MSRA: variants seen among roughly 807,000 people sequenced by gnomAD.
MSRA encodes the protein mitochondrial peptide methionine sulfoxide reductase.
Under a neutral mutation model 31.3 loss-of-function variants are expected in MSRA, and 54 were observed. The observed-to-expected ratio is 1.73, with a 90% CI of 1.39 to 2.17. The LOEUF (loss-of-function observed/expected upper bound fraction) is 2.17, where lower values mean the gene tolerates loss of function less well. Ranked by LOEUF, MSRA falls within the 30% of genes most tolerant of loss-of-function variation. The pLI is 0.00. For synonymous variants in MSRA, 169 were observed against 116.5 expected, an observed-to-expected ratio of 1.45 and a Z score of -2.90; for missense variants, 507 against 300.9, an observed-to-expected ratio of 1.69 and a Z score of -5.07.
chr8:10,316,379 G>A (rs1056818114), intron 4 of MSRA, among the ~76,000 whole-genome samples: 1 of 152,198 alleles, frequency 6.6e-6, no homozygotes, highest in Non-Finnish European at 1.5e-5. Context: ...CTTTGAGGGA[G>A]TGTCAGTTTC....
intron 1 of MSRA, among the ~76,000 whole-genome samples, chr8:10,138,246 A>T (rs1802437344): frequency 6.6e-6 from 1 of 152,208 alleles, no homozygotes; most frequent in Non-Finnish European, 1.5e-5. Flanking sequence ...GAGGTAATTC[A>T]TTGGTGTCAG....
intron 3 of MSRA, among the ~76,000 whole-genome samples, chr8:10,288,654 A>C (rs576540450): frequency 6.6e-6 from 1 of 152,206 alleles, no homozygotes; most frequent in Non-Finnish European, 1.5e-5. Context: ...AGTTATAAAC[A>C]AATCTGAAGT....
At position 10,213,057 on chromosome 8, in the gene MSRA, G is replaced by C. The variant is rs911493795; in HGVS notation, c.211+5156G>C. The stretch of plus-strand genomic sequence containing the variant: ...TACAAACAATCCAATTATACTCTTA[G>C]TTATTTTTAAATATACAATTAAATT... On this transcript the variant is annotated intron_variant, in intron 2 of 5. Transcript: ENST00000317173. Among the ~76,000 whole-genome samples the C allele has an allele frequency of 3.3e-5, 5 of 152,044 alleles. No homozygotes were observed. In the East Asian group the frequency reaches 9.6e-4, roughly 29 times the overall value.
At position 10,138,619 on chromosome 8, in the gene MSRA, G is replaced by A. The variant is rs147474072; in HGVS notation, c.143-69214G>A. Among the ~76,000 whole-genome samples the A allele has an allele frequency of 5.2e-3, 787 of 152,228 alleles. 5 individuals are homozygous for A. The highest frequency in any genetic ancestry group is 0.014 in the Middle Eastern group (4 of 294). On this transcript the variant is annotated intron_variant, in intron 1 of 5. Transcript: ENST00000317173. ...AAGAATATTTCCTATTTTCCCATGGGACTAAATTAAGTTATTTGCATTTTG... is the reference window on the plus strand; with the variant it reads ...AAGAATATTTCCTATTTTCCCATGGAACTAAATTAAGTTATTTGCATTTTG...
intron 1 of MSRA, among the ~76,000 whole-genome samples, chr8:10,128,793 A>T (rs1471217726): frequency 6.6e-6 from 1 of 152,214 alleles, no homozygotes; most frequent in Non-Finnish European, 1.5e-5. Flanking sequence ...TCATGACCTC[A>T]TCTATTCATT....
chr8:10,325,499 G>A lies in MSRA; in HGVS notation c.543+5510G>A, dbSNP rs542451693. ...TACATATATTTGTTTAGCTGTAGAT[G>A]TGTATCTCTCTATGTCTTTATATAA... On this transcript the variant is annotated intron_variant, in intron 5 of 5. Coordinates refer to ENST00000317173, the MANE Select transcript of MSRA (RefSeq NM_012331.5). Among the ~76,000 whole-genome samples the A allele has an allele frequency of 4.6e-5, 7 of 152,170 alleles. No homozygotes were observed. In the South Asian group the frequency reaches 1.0e-3, roughly 23 times the overall value.
chr8:10,290,768 A>G (rs1217040306), intron 3 of MSRA, among the ~76,000 whole-genome samples: 1 of 152,204 alleles, frequency 6.6e-6, no homozygotes, highest in Admixed American at 6.5e-5. Context: ...TCAAGGAATC[A>G]TAGTTTCTCA....
intron 5 of MSRA, among the ~76,000 whole-genome samples, chr8:10,347,121 T>G (rs2129155192): frequency 6.6e-6 from 1 of 152,340 alleles, no homozygotes; most frequent in Admixed American, 6.5e-5. Context: ...CATTACTGGT[T>G]CGTTTTCCCT....
intron 5 of MSRA, among the ~76,000 whole-genome samples, chr8:10,344,107 AAGG>A (rs1255074212): frequency 6.6e-6 from 1 of 152,156 alleles, no homozygotes; most frequent in African/African-American, 2.4e-5. Flanking sequence ...CCCTCTTGCT[AAGG>A]AAGTTGCATG....
At chr8:10,108,691 T>A (rs1301389855) in intron 1 of MSRA, among the ~76,000 whole-genome samples, 1 of 152,188 alleles carries the variant, frequency 6.6e-6, no homozygotes, top group Non-Finnish European at 1.5e-5. Flanking sequence ...TTCTGTGCAG[T>A]CCTCACGAGG....
At chr8:10,365,777 G>T (rs1228260437) in intron 5 of MSRA, among the ~76,000 whole-genome samples, 2 of 152,226 alleles carry the variant, frequency 1.3e-5, no homozygotes, top group Admixed American at 1.3e-4. Flanking sequence ...GCCTCCTGGT[G>T]CTCAGGTGAG....
At chr8:10,074,642 A>T (rs904919366) in intron 1 of MSRA, among the ~76,000 whole-genome samples, 1 of 151,580 alleles carries the variant, frequency 6.6e-6, no homozygotes, top group African/African-American at 2.4e-5. Flanking sequence ...TTGATAATAC[A>T]CCCCTTCTTC....
rs188354415 is a variant in MSRA, at chr8:10,170,658, A to G, written c.143-37175A>G. Among the ~76,000 whole-genome samples, 90 of 152,364 alleles carry G rather than the reference A, an allele frequency of 5.9e-4. 1 individual carries two copies. Among genetic ancestry groups the G allele is most frequent in the African/African-American group, 1.7e-3 (72 of 41,586 alleles). ...AAGTCATCTAGAGATGATTTAAAGT[A>G]TATGGGAGGATGTGCATAGGTTACA... is the stretch of plus-strand genomic sequence containing the variant. On this transcript the variant is annotated intron_variant, in intron 1 of 5. Transcript: ENST00000317173.
intron 2 of MSRA, among the ~76,000 whole-genome samples, chr8:10,210,211 T>G (rs1387601469): frequency 1.3e-5 from 2 of 152,152 alleles, no homozygotes; most frequent in Non-Finnish European, 2.9e-5. Context: ...GCTGATGGAC[T>G]CATATACTCC....
chr8:10,272,401 G>C (rs1232756462), intron 3 of MSRA, among the ~76,000 whole-genome samples: 2 of 152,178 alleles, frequency 1.3e-5, no homozygotes, highest in Non-Finnish European at 2.9e-5. Flanking sequence ...GTTTTAGTTA[G>C]AGTTCAAAGG....
chr8:10,133,906 C>T (rs1802078724), intron 1 of MSRA, among the ~76,000 whole-genome samples: 1 of 152,184 alleles, frequency 6.6e-6, no homozygotes, highest in South Asian at 2.1e-4. Flanking sequence ...TCTCGGCTCA[C>T]TGTGACCTCT....
chr8:10,379,268 C>T (rs1234703038), intron 5 of MSRA, among the ~76,000 whole-genome samples: 1 of 151,992 alleles, frequency 6.6e-6, no homozygotes, highest in African/African-American at 2.4e-5. Flanking sequence ...CCCTGTAAGC[C>T]CTCAACATGA....
In MSRA at chr8:10,417,661, A is replaced by G. The variant is rs569033233; in HGVS notation, c.544-10487A>G. ...CCCAGTCATTTCACATTTTTTTTTTAAAGTTTTGATTGACATCTATTTGGT... is the reference window on the plus strand; with the variant it reads ...CCCAGTCATTTCACATTTTTTTTTTGAAGTTTTGATTGACATCTATTTGGT... On this transcript the variant is annotated intron_variant, in intron 5 of 5. Transcript: ENST00000317173. Among the ~76,000 whole-genome samples the G allele has an allele frequency of 1.6e-3, 235 of 151,050 alleles. 3 individuals carry two copies. The highest frequency in any genetic ancestry group is 4.5e-3 in the African/African-American group (184 of 41,130).
chr8:10,345,907 C>A (rs1048892280), intron 5 of MSRA, among the ~76,000 whole-genome samples: 4 of 152,184 alleles, frequency 2.6e-5, no homozygotes, highest in African/African-American at 7.2e-5. Context: ...CACTTGGCAA[C>A]CTACTTTATT....
Sources: gnomAD v4.1 joint callset for allele counts (sites outside exome capture counted in the v4.1 genomes callset) on GRCh38, gnomAD v4.1.1 for gene constraint, MANE v1.5 for transcripts, NCBI Gene and HGNC (gene_info 2026-07-23, HGNC 2026-07-21) for gene names.